DACH1: variants seen among roughly 807,000 people sequenced by gnomAD.
The protein encoded by DACH1 is dachshund homolog 1.
DACH1 carries 12 observed loss-of-function variants against 54.2 expected under a neutral mutation model. The ratio of observed to expected loss-of-function variants is 0.22; its 90% CI spans 0.14 to 0.36. The LOEUF is 0.36. Ranked by LOEUF, DACH1 falls within the 10% of genes least tolerant of loss-of-function variation. The pLI, the probability that DACH1 is intolerant of heterozygous loss-of-function variation, is 1.00. For missense variants in DACH1, 805 were observed against 929.8 expected (o/e 0.87, Z 1.75); for synonymous variants, 386 against 366.2 (o/e 1.05, Z -0.62).
chr13:71,767,832 C>G (rs1885701487), intron 1 of DACH1, among the ~76,000 whole-genome samples: 1 of 151,902 alleles, frequency 6.6e-6, no homozygotes, highest in Admixed American at 6.6e-5. Context: ...TAATATTTTC[C>G]TAGCCCTTTA....
At chr13:71,810,396 T>C (rs1435226485) in intron 1 of DACH1, among the ~76,000 whole-genome samples, 2 of 152,148 alleles carry the variant, frequency 1.3e-5, no homozygotes, top group Non-Finnish European at 2.9e-5. Flanking sequence ...ATTTGTAAAC[T>C]TTAACAGGAA....
chr13:71,848,004 C>A (rs776506724), intron 1 of DACH1, among the ~76,000 whole-genome samples: 2 of 152,092 alleles, frequency 1.3e-5, no homozygotes, highest in Non-Finnish European at 2.9e-5. Flanking sequence ...CTCTCAAAAT[C>A]ACTGTGCTGG....
At chr13:71,511,419 A>G (rs1880767611) in intron 6 of DACH1, among the ~76,000 whole-genome samples, 1 of 151,974 alleles carries the variant, frequency 6.6e-6, no homozygotes, top group South Asian at 2.1e-4. Context: ...AGGAAATTAG[A>G]AAGGAAACCC....
chr13:71,542,822 T>A (rs984262505), intron 6 of DACH1, among the ~76,000 whole-genome samples: 1 of 152,138 alleles, frequency 6.6e-6, no homozygotes, highest in African/African-American at 2.4e-5. Flanking sequence ...TACCTCTATA[T>A]AAGGAAGCTG....
intron 6 of DACH1, among the ~76,000 whole-genome samples, chr13:71,506,642 C>G: frequency 1.3e-5 from 2 of 152,018 alleles, no homozygotes; most frequent in South Asian, 2.1e-4. Flanking sequence ...ATCACACTAC[C>G]TGACTTCAAA....
intron 10 of DACH1, among the ~76,000 whole-genome samples, chr13:71,469,882 T>C (rs923969316): frequency 3.9e-5 from 6 of 152,164 alleles, no homozygotes; most frequent in African/African-American, 1.4e-4. Context: ...TGATCTAAGA[T>C]CAGTCAAAAA....
chr13:71,609,778 C>G (rs967305666), intron 3 of DACH1, among the ~76,000 whole-genome samples: 3 of 152,138 alleles, frequency 2.0e-5, no homozygotes, highest in African/African-American at 7.2e-5. Flanking sequence ...CCACCCGCCT[C>G]AGCCTCCCAA....
intron 1 of DACH1, among the ~76,000 whole-genome samples, chr13:71,794,475 G>C (rs1212508821): frequency 6.6e-6 from 1 of 152,080 alleles, no homozygotes; most frequent in African/African-American, 2.4e-5. Context: ...GTCTTGCTTT[G>C]TCGCCCAGGC....
At chr13:71,485,217 A>C (rs1878382683) in intron 7 of DACH1, among the ~76,000 whole-genome samples, 1 of 151,960 alleles carries the variant, frequency 6.6e-6, no homozygotes, top group African/African-American at 2.4e-5. Context: ...ACAGGATTGA[A>C]AGAGGAAGCC....
rs114482575 is a variant in DACH1, at chr13:71,788,273, A to G, written c.848+77649T>C. On this transcript the variant is annotated intron_variant, in intron 1 of 10. Coordinates refer to ENST00000613252, the MANE Select transcript of DACH1 (RefSeq NM_080759.6). ...TTTCCTGGGGATCAATCTATGAAAC[A>G]AAGAGGTGGGATTAGAGACACTCTA... Among the ~76,000 whole-genome samples the G allele has an allele frequency of 7.1e-3, 1,074 of 152,274 alleles. 11 individuals are homozygous for G. Among genetic ancestry groups the G allele is most frequent in the African/African-American group, 0.024 (1,009 of 41,570 alleles).
At chr13:71,529,599 G>A (rs1013850610) in intron 6 of DACH1, among the ~76,000 whole-genome samples, 1 of 152,070 alleles carries the variant, frequency 6.6e-6, no homozygotes, top group African/African-American at 2.4e-5. Flanking sequence ...TATGCTGTTG[G>A]AAAATAACTT....
At position 71,619,571 on chromosome 13, in the gene DACH1, T is replaced by C. The variant is rs112483191; in HGVS notation, c.1126+10985A>G. Among the ~76,000 whole-genome samples, 1,210 of 152,038 alleles carry C rather than the reference T, an allele frequency of 8.0e-3. 19 individuals are homozygous for C. The highest frequency in any genetic ancestry group is 0.026 in the African/African-American group (1,098 of 41,536). On this transcript the variant is annotated intron_variant, in intron 3 of 10. Transcript: ENST00000613252. ...CAACAGCAGAGTAAATGTAGAGAAA[T>C]TGAAATTGTACTTCAGTGAAAAGAC...
At chr13:71,837,022 A>T (rs1285920647) in intron 1 of DACH1, among the ~76,000 whole-genome samples, 2 of 152,050 alleles carry the variant, frequency 1.3e-5, no homozygotes, top group African/African-American at 2.4e-5. Context: ...ACACATACAC[A>T]CACACAATTC....
At chr13:71,610,309 C>A (rs1456792782) in intron 3 of DACH1, among the ~76,000 whole-genome samples, 1 of 152,082 alleles carries the variant, frequency 6.6e-6, no homozygotes, top group Non-Finnish European at 1.5e-5. Flanking sequence ...TGTTTATATT[C>A]GCTTTACTGA....
intron 1 of DACH1, among the ~76,000 whole-genome samples, chr13:71,745,659 T>C (rs1006872792): frequency 1.3e-5 from 2 of 152,200 alleles, no homozygotes; most frequent in Non-Finnish European, 2.9e-5. Flanking sequence ...GTAACTGCTT[T>C]GTATAACTGT....
chr13:71,460,695 A>T (rs1384351615), intron 10 of DACH1, among the ~76,000 whole-genome samples: 1 of 152,044 alleles, frequency 6.6e-6, no homozygotes. Context: ...GCAATAAGTC[A>T]CTGGTTGAAT....
chr13:71,788,664 G>A (rs923716276), intron 1 of DACH1, among the ~76,000 whole-genome samples: 3 of 151,864 alleles, frequency 2.0e-5, no homozygotes, highest in Non-Finnish European at 4.4e-5. Flanking sequence ...AATTTCTTAT[G>A]GTTACTTTTG....
At chr13:71,564,628 T>C (rs147332487) in intron 4 of DACH1, among the ~76,000 whole-genome samples, 6 of 152,280 alleles carry the variant, frequency 3.9e-5, no homozygotes, top group East Asian at 3.9e-4. Flanking sequence ...ACTCAAATTC[T>C]AAAATAAACA....
intron 1 of DACH1, among the ~76,000 whole-genome samples, chr13:71,693,039 CTTA>C (rs1265122633): frequency 6.6e-6 from 1 of 152,050 alleles, no homozygotes; most frequent in Admixed American, 6.5e-5. Flanking sequence ...TCTGTAATCA[CTTA>C]TTATCTTAAT....
Sources: allele counts gnomAD v4.1 joint callset (sites outside exome capture counted in the v4.1 genomes callset), GRCh38; gene constraint gnomAD v4.1.1; transcripts MANE v1.5; gene names NCBI Gene and HGNC (gene_info 2026-07-23, HGNC 2026-07-21).